Variants in CAMTA1 observed in about 807,000 individuals in gnomAD.
CAMTA1 encodes calmodulin binding transcription activator 1.
In CAMTA1, 27 loss-of-function variants were observed where a neutral mutation model predicts 170.9. The observed-to-expected ratio is 0.16, with a 90% confidence interval of 0.12 to 0.22. The LOEUF (loss-of-function observed/expected upper bound fraction) is 0.22, where lower values mean the gene tolerates loss of function less well. Among genes scored for constraint, CAMTA1 ranks in the 10% least tolerant of loss-of-function variants. CAMTA1 has a pLI of 1.00. For missense variants in CAMTA1, 1,619 were observed against 2,217.2 expected, an observed-to-expected ratio of 0.73 and a Z score of 5.42; for synonymous variants, 833 against 891.5, an observed-to-expected ratio of 0.93 and a Z score of 1.17.
intron 3 of CAMTA1, among the ~76,000 whole-genome samples, chr1:6,907,851 G>A (rs1048010385): frequency 2.0e-5 from 3 of 152,110 alleles, no homozygotes; most frequent in African/African-American, 7.2e-5. Flanking sequence ...GTGGTCCTCA[G>A]ACCTGGCGCA....
At chr1:7,627,936 T>G (rs527584802) in intron 6 of CAMTA1, among the ~76,000 whole-genome samples, 1 of 152,330 alleles carries the variant, frequency 6.6e-6, no homozygotes, top group South Asian at 2.1e-4. Flanking sequence ...GAGGGTCATC[T>G]GAATTGTGTG....
At chr1:7,111,960 T>C (rs532301361) in intron 4 of CAMTA1, among the ~76,000 whole-genome samples, 11 of 148,554 alleles carry the variant, frequency 7.4e-5, no homozygotes, top group Non-Finnish European at 1.5e-4. Context: ...TGAGCTACTG[T>C]GTGGAAAGGG....
intron 11 of CAMTA1, among the ~76,000 whole-genome samples, chr1:7,678,330 C>G (rs74054219): frequency 0.013 from 1,929 of 152,306 alleles, 31 homozygotes; most frequent in African/African-American, 0.043. Context: ...CCACCTCTGG[C>G]CTGTACGGCG....
At chr1:7,230,098 G>A (rs372986488) in intron 4 of CAMTA1, among the ~76,000 whole-genome samples, 2 of 152,210 alleles carry the variant, frequency 1.3e-5, no homozygotes, top group African/African-American at 2.4e-5. Context: ...CCAGAAAGCC[G>A]GTTCCTAGGG....
At chr1:7,305,601 T>C (rs1423763779) in intron 5 of CAMTA1, among the ~76,000 whole-genome samples, 1 of 152,072 alleles carries the variant, frequency 6.6e-6, no homozygotes, top group African/African-American at 2.4e-5. Context: ...CATTGCCGAG[T>C]AATACTCCAT....
intron 4 of CAMTA1, among the ~76,000 whole-genome samples, chr1:7,228,475 G>A (rs530422567): frequency 6.6e-6 from 1 of 152,298 alleles, no homozygotes; most frequent in East Asian, 1.9e-4. Context: ...CTCTCACTGC[G>A]GTTCCAGCAG....
At chr1:7,223,667 G>A (rs1661209491) in intron 4 of CAMTA1, among the ~76,000 whole-genome samples, 1 of 152,062 alleles carries the variant, frequency 6.6e-6, no homozygotes. Context: ...TAATGCAAAG[G>A]GACAGTTAAT....
At chr1:7,111,867 C>G (rs544345090) in intron 4 of CAMTA1, among the ~76,000 whole-genome samples, 89 of 139,876 alleles carry the variant, frequency 6.4e-4, no homozygotes, top group African/African-American at 2.1e-3. Flanking sequence ...CCTGGGCGAC[C>G]GGGCAAGACT....
chr1:7,104,120 AACAC>A (rs1000942550), intron 4 of CAMTA1, among the ~76,000 whole-genome samples: 2 of 55,578 alleles, frequency 3.6e-5, no homozygotes, highest in African/African-American at 1.3e-4. Context: ...ATGTACACAC[AACAC>A]ACATAACTAC....
Position 7,455,094 on chromosome 1 carries a change from G to A in CAMTA1, c.439-12736G>A, listed in dbSNP as rs1217930720. Among the ~76,000 whole-genome samples, 2 of 152,184 alleles carry A rather than the reference G, an allele frequency of 1.3e-5. No homozygotes were observed. Among genetic ancestry groups the A allele is most frequent in the Non-Finnish European group, 2.9e-5 (2 of 68,044 alleles). On this transcript the variant is annotated intron_variant, in intron 5 of 22. Transcript: ENST00000303635. This position sits in a 1 kb window ranked among gnomAD's most constrained non-coding sequence, Gnocchi z 5.0. ...CCAGGGCCGGCCTGGCTGGGGCAGC[G>A]CATCTGCAGGTGTTTGAGGCACATT...
chr1:7,706,089 A>G (rs1249565688), intron 11 of CAMTA1, among the ~76,000 whole-genome samples: 1 of 152,262 alleles, frequency 6.6e-6, no homozygotes, highest in Non-Finnish European at 1.5e-5. Context: ...AGATTTCTGA[A>G]ATGATGATAT....
chr1:7,630,579 A>C (rs1434806171), intron 6 of CAMTA1, among the ~76,000 whole-genome samples: 1 of 152,180 alleles, frequency 6.6e-6, no homozygotes, highest in Non-Finnish European at 1.5e-5. Context: ...TCTTCAGACC[A>C]CTTTACCCAC....
chr1:7,450,695 G>A (rs2092803016), intron 5 of CAMTA1, among the ~76,000 whole-genome samples: 1 of 152,234 alleles, frequency 6.6e-6, no homozygotes, highest in Admixed American at 6.5e-5. Context: ...CAGAAAACCT[G>A]TTTCTTTCCC....
At chr1:6,881,958 C>T (rs1276483606) in intron 3 of CAMTA1, among the ~76,000 whole-genome samples, 1 of 152,068 alleles carries the variant, frequency 6.6e-6, no homozygotes, top group Admixed American at 6.6e-5. Flanking sequence ...CAGTGTGAGA[C>T]TCTGTCTCAA....
intron 22 of CAMTA1, among the ~76,000 whole-genome samples, chr1:7,762,137 CT>C (rs2096980784): frequency 1.3e-5 from 2 of 152,176 alleles, no homozygotes; most frequent in Non-Finnish European, 2.9e-5. Context: ...GGTCAACCCT[CT>C]CTCTAAATAA....
At chr1:7,247,874 A>T (rs182173974) in intron 4 of CAMTA1, among the ~76,000 whole-genome samples, 19 of 152,302 alleles carry the variant, frequency 1.2e-4, no homozygotes, top group Admixed American at 9.8e-4. Context: ...TCCAATGCAG[A>T]CTTGTAAGCA....
intron 5 of CAMTA1, among the ~76,000 whole-genome samples, chr1:7,393,785 A>G (rs749530728): frequency 6.6e-6 from 1 of 152,192 alleles, no homozygotes; most frequent in Non-Finnish European, 1.5e-5. Context: ...CTAGTATGCT[A>G]TCAAACACTA....
intron 1 of CAMTA1, among the ~76,000 whole-genome samples, chr1:6,811,230 A>G (rs764786176): frequency 6.6e-6 from 1 of 152,236 alleles, no homozygotes; most frequent in Non-Finnish European, 1.5e-5. Context: ...GGTAATTCAT[A>G]TGAAGTGTTT....
chr1:7,739,808 A>G (rs2096797921), intron 16 of CAMTA1, among the ~76,000 whole-genome samples: 1 of 152,198 alleles, frequency 6.6e-6, no homozygotes. Flanking sequence ...TCAAGATTAG[A>G]TTTGGGTAGG....
Sources: gnomAD v4.1 joint callset for allele counts (sites outside exome capture counted in the v4.1 genomes callset) on GRCh38, gnomAD v4.1.1 for gene constraint, Gnocchi (gnomAD v3.1) non-coding constraint, MANE v1.5 for transcripts, NCBI Gene and HGNC (gene_info 2026-07-23, HGNC 2026-07-21) for gene names.